CRYBG3: variants seen among roughly 807,000 people sequenced by gnomAD.
CRYBG3 encodes the protein crystallin beta-gamma domain containing 3.
CRYBG3 carries 127 observed loss-of-function variants against 244.2 expected under a neutral mutation model. The ratio of observed to expected loss-of-function variants is 0.52; its 90% confidence interval spans 0.45 to 0.60. The LOEUF (loss-of-function observed/expected upper bound fraction) is 0.60, where lower values mean the gene tolerates loss of function less well. CRYBG3 is among the 20% of genes least tolerant of loss of function. CRYBG3 has a pLI of 0.00. For missense variants in CRYBG3, 3,325 were observed against 3,442.5 expected (o/e 0.97, Z 0.85); for synonymous variants, 1,132 against 1,195.8 (o/e 0.95, Z 1.10).
At chr3:97,855,351 C>G (rs2039048611) in intron 2 of CRYBG3, among the ~76,000 whole-genome samples, 1 of 151,896 alleles carries the variant, frequency 6.6e-6, no homozygotes, top group African/African-American at 2.4e-5. Flanking sequence ...GTAATGATGG[C>G]CTTGCATGAT....
At chr3:97,832,964 A>T (rs140324961) in intron 1 of CRYBG3, among the ~76,000 whole-genome samples, 1 of 152,220 alleles carries the variant, frequency 6.6e-6, no homozygotes, top group Admixed American at 6.5e-5. Context: ...ATATGAAAAA[A>T]AGCTCATCAT....
chr3:97,866,330 CATT>C (rs1462020585), intron 3 of CRYBG3, among the ~76,000 whole-genome samples: 1 of 152,136 alleles, frequency 6.6e-6, no homozygotes, highest in Non-Finnish European at 1.5e-5. Flanking sequence ...TTCATTCAAA[CATT>C]ATAGGAACAT....
intron 17 of CRYBG3, among the ~76,000 whole-genome samples, chr3:97,918,335 T>C (rs186970453): frequency 2.2e-4 from 33 of 152,348 alleles, no homozygotes; most frequent in African/African-American, 7.7e-4. Flanking sequence ...TAGAGGGGCA[T>C]TGACACATAG....
At position 97,881,158 on chromosome 3, in the gene CRYBG3, T is replaced by C. The variant is rs1472461736; in HGVS notation, c.7091T>C (p.Leu2364Pro). ...AAGGTGTTAAATCGTGACTGGATTC[T>C]TCAGAACAGAAGGCATCCACAAAGA... is the stretch of plus-strand genomic sequence containing the variant. ...GEKVLNRDWI[L>P]QNRRHPQRNF... is the part of the protein sequence containing the mutation. Residue 2364 changes from leucine (L) to proline (P), a missense_variant, in exon 7 of 22, where the codon CTT becomes CCT. Leu to Pro is a moderately conservative substitution (Grantham distance 98, BLOSUM62 -3). This residue lies in a region of CRYBG3 where 714 missense variants were observed against 803.6 expected (regional missense o/e 0.89). Coordinates refer to ENST00000389622, the MANE Select transcript of CRYBG3 (RefSeq NM_153605.4). The C allele has an allele frequency of 3.7e-6, 6 of 1,612,360 alleles. No individual in the cohort carries two copies. Among genetic ancestry groups the C allele is most frequent in the Non-Finnish European group, 5.1e-6 (6 of 1,179,060 alleles).
chr3:97,902,847 A>G (rs1008010198), intron 15 of CRYBG3, among the ~76,000 whole-genome samples: 2 of 152,112 alleles, frequency 1.3e-5, no homozygotes, highest in African/African-American at 2.4e-5. Context: ...TTTTCCCCCA[A>G]ACAAAACAAA....
In CRYBG3 at chr3:97,874,477, G is replaced by A. The variant is rs985202344; in HGVS notation, c.3283G>A (p.Glu1095Lys). The change falls in exon 4 of 22, where the codon GAA (glutamate) becomes AAA (lysine). Residue 1095 changes from glutamate to lysine, a missense_variant. Coordinates refer to ENST00000389622, the MANE Select transcript of CRYBG3 (RefSeq NM_153605.4). ...SIQVTKDLTH[E>K]GTSVTNLLYP... ...ACAAGTTACCAAAGATCTCACACAT[G>A]AAGGTACCTCTGTAACTAACCTGTT... 1.3e-5 allele frequency: 20 copies of A among 1,534,138 alleles called. No homozygotes were observed. Among genetic ancestry groups the A allele is most frequent in the African/African-American group, 2.7e-5 (2 of 72,934 alleles).
At chr3:97,849,859 T>C (rs372041647) in intron 2 of CRYBG3, among the ~76,000 whole-genome samples, 5 of 152,172 alleles carry the variant, frequency 3.3e-5, no homozygotes, top group African/African-American at 4.8e-5. Flanking sequence ...GAAATACTTA[T>C]ATCATAACAG....
At position 97,875,082 on chromosome 3, in the gene CRYBG3, T is replaced by C; in HGVS notation, c.3888T>C (p.Asn1296=). ...TTCTTGTTGATCCTAATAGTATGAA[T>C]GTATCTTGTTTGTTAGAAGATAAAG... ...KNLLVDPNSM[N]VSCLLEDKAR... is the part of the protein sequence containing the mutation. Residue 1296 remains asparagine, a synonymous_variant, in exon 4 of 22, where the codon AAT becomes AAC. Transcript: ENST00000389622. 1 of 1,534,098 alleles carries C rather than the reference T, an allele frequency of 6.5e-7. No homozygotes were observed. The highest frequency in any genetic ancestry group is 1.4e-5 in the African/African-American group (1 of 73,032).
rs373270635 is a variant in CRYBG3, at chr3:97,828,867, C to CA, written c.149+6521dup. ...AAAATAACAAAAACAAACAAACAAA[C>CA]AAAAAAAAACTTAAGCTACAACTAA... On this transcript the variant is annotated intron_variant, in intron 1 of 21. Transcript: ENST00000389622. 2.1e-4 allele frequency among the ~76,000 whole-genome samples: 31 copies of CA among 145,302 alleles called. 1 individual carries two copies. The highest frequency in any genetic ancestry group is 1.0e-3 in the East Asian group (5 of 4,920).
At chr3:97,916,247 A>G (rs1477799924) in intron 17 of CRYBG3, among the ~76,000 whole-genome samples, 1 of 152,182 alleles carries the variant, frequency 6.6e-6, no homozygotes, top group Non-Finnish European at 1.5e-5. Context: ...GTCACATGAC[A>G]GTTTGTCTGC....
intron 4 of CRYBG3, 85 bp downstream of exon 4, chr3:97,878,122 A>G (rs781038321): frequency 3.1e-6 from 4 of 1,295,064 alleles, no homozygotes; most frequent in South Asian, 3.0e-5. Context: ...AGAAAAGTCA[A>G]TGTTTTGGCC....
chr3:97,939,102 T>G (rs1190650658), intron 19 of CRYBG3, among the ~76,000 whole-genome samples: 2 of 152,010 alleles, frequency 1.3e-5, no homozygotes, highest in Non-Finnish European at 2.9e-5. Flanking sequence ...TAATGGTGGT[T>G]CCTTGTTGGG....
Position 97,896,102 on chromosome 3 carries a change from A to G in CRYBG3, c.7701+17A>G. The stretch of plus-strand genomic sequence containing the variant: ...TTACAAGCTGTGAGTTAGCTTCCTT[A>G]TCCTTAATTTTCTACCTTTTAAAAA... On this transcript the variant is annotated intron_variant, in intron 12 of 21. Transcript: ENST00000389622. The G allele has an allele frequency of 6.3e-7, 1 of 1,589,338 alleles. No homozygotes were observed.
intron 2 of CRYBG3, among the ~76,000 whole-genome samples, chr3:97,853,708 G>A (rs549004831): frequency 5.9e-5 from 9 of 152,140 alleles, no homozygotes; most frequent in Admixed American, 1.3e-4. Flanking sequence ...CACTGAATCC[G>A]TGTCAACATC....
Position 97,876,533 on chromosome 3 carries a change from C to G in CRYBG3, c.5339C>G (p.Ser1780Cys). 2 of 1,232,138 alleles carry G rather than the reference C, an allele frequency of 1.6e-6. No individual in the cohort carries two copies. The highest frequency in any genetic ancestry group is 2.0e-6 in the Non-Finnish European group (2 of 988,004). 76.3% of individuals were successfully genotyped at this position (1,232,138 alleles called of 1,614,324 possible). Reference protein sequence around the residue: ...AKGFTGNTEGSVLKMEATYRK... With the variant: ...AKGFTGNTEGCVLKMEATYRK... ...GGTTTTACCGGGAACACTGAAGGGT[C>G]TGTGTTGAAAATGGAAGCTACTTAC... is the stretch of plus-strand genomic sequence containing the variant. The change falls in exon 4 of 22, where the codon TCT (serine) becomes TGT (cysteine). Residue 1780 changes from serine to cysteine, a missense_variant. Physicochemically the swap from Ser to Cys is moderately radical, Grantham distance 112 (BLOSUM62 -1). Transcript: ENST00000389622.
intron 18 of CRYBG3, among the ~76,000 whole-genome samples, chr3:97,934,145 A>G (rs755342228): frequency 3.1e-4 from 47 of 152,062 alleles, no homozygotes; most frequent in Non-Finnish European, 5.4e-4. Flanking sequence ...TTTAATAGCC[A>G]TGTATTCTAG....
chr3:97,932,153 G>GT (rs923906907), intron 17 of CRYBG3, among the ~76,000 whole-genome samples: 3 of 151,822 alleles, frequency 2.0e-5, no homozygotes, highest in Admixed American at 6.6e-5. Context: ...ATGGTTACCA[G>GT]TTTTTTTTAT....
Position 97,875,288 on chromosome 3 carries a change from T to C in CRYBG3, c.4094T>C (p.Val1365Ala). The C allele has an allele frequency of 6.8e-7, 1 of 1,461,004 alleles. No individual in the cohort carries two copies. The highest frequency in any genetic ancestry group is 9.0e-7 in the Non-Finnish European group (1 of 1,115,184). 90.5% of individuals were successfully genotyped at this position (1,461,004 alleles called of 1,614,324 possible). A position where few individuals can be genotyped will look rare whatever the true frequency, so the allele number is the denominator to read the frequency against. Residue 1365 changes from valine to alanine, a missense_variant, in exon 4 of 22, where the codon GTA becomes GCA. Transcript: ENST00000389622. ...VREFLVSEQP[V>A]NQSTQISENK... ...GAGTTCTTGGTTTCAGAACAGCCAGTAAATCAAAGCACACAAATTAGTGAA... is the reference window on the plus strand; with the variant it reads ...GAGTTCTTGGTTTCAGAACAGCCAGCAAATCAAAGCACACAAATTAGTGAA...
chr3:97,920,149 A>G (rs1462108613), intron 17 of CRYBG3, among the ~76,000 whole-genome samples: 3 of 152,160 alleles, frequency 2.0e-5, no homozygotes, highest in Admixed American at 2.0e-4. Flanking sequence ...TATTCAATCT[A>G]AAGTATTGAA....
Sources: gnomAD v4.1 joint callset for allele counts (sites outside exome capture counted in the v4.1 genomes callset) on GRCh38, gnomAD v4.1.1 for gene constraint, gnomAD v4.1.1 regional missense constraint, MANE v1.5 for transcripts, NCBI Gene and HGNC (gene_info 2026-07-23, HGNC 2026-07-21) for gene names.